PGAP2: variants seen among roughly 807,000 people sequenced by gnomAD.
PGAP2 encodes the protein post-GPI attachment to proteins 2.
A neutral mutation model predicts 33.2 loss-of-function variants in PGAP2; 21 were observed. The ratio of observed to expected loss-of-function variants is 0.63; its 90% CI spans 0.45 to 0.91. The LOEUF (loss-of-function observed/expected upper bound fraction) is 0.91. Ranked by LOEUF, PGAP2 falls within the 40% of genes least tolerant of loss-of-function variation. The probability of loss-of-function intolerance (pLI) is 0.00; values close to 1 mark genes in which losing one functional copy is unlikely to be tolerated. For missense variants in PGAP2, 345 were observed against 424.0 expected, an observed-to-expected ratio of 0.81 and a Z score of 1.64; for synonymous variants, 161 against 172.9, an observed-to-expected ratio of 0.93 and a Z score of 0.54.
rs766278758 is a variant in PGAP2 at position 3,825,453 on chromosome 11, T to C, written c.943T>C (p.Phe315Leu). 1 of 1,612,906 alleles carries C rather than the reference T, an allele frequency of 6.2e-7. No individual in the cohort carries two copies. Among genetic ancestry groups the C allele is most frequent in the African/African-American group, 1.3e-5 (1 of 74,982 alleles). Residue 315 changes from phenylalanine to leucine, a missense_variant, in exon 7 of 7, where the codon TTC (phenylalanine) becomes CTC (leucine). Around this residue, in one of 2 missense-constraint regions of PGAP2, gnomAD observed 311 missense variants for 353.6 expected, o/e 0.88. Coordinates refer to ENST00000278243, the MANE Select transcript of PGAP2 (RefSeq NM_014489.4). ...AACCTCTCAGCCTGAGGAAAAGCGA[T>C]TCTGAACCCTTCAGTCCTGCTTGGG... ...LITSQPEEKR[F>L]
chr11:3,798,974 T>C (rs755226679), intron 1 of PGAP2, among the ~76,000 whole-genome samples: 13 of 152,212 alleles, frequency 8.5e-5, no homozygotes, highest in Non-Finnish European at 1.9e-4. Context: ...GGACGGGTAT[T>C]TCAAATGTTC....
intron 3 of PGAP2, chr11:3,817,974 A>C (rs973804130): frequency 1.2e-5 from 5 of 402,704 alleles, no homozygotes; most frequent in Middle Eastern, 6.3e-4. Flanking sequence ...TGAGGCTGGG[A>C]GGTGGACATT....
rs746736798 is a variant in PGAP2, at chr11:3,823,024, C to CTTTTTTTTTTTTTTTTTT, written c.349-846_349-829dup. The CTTTTTTTTTTTTTTTTTT allele has an allele frequency of 7.3e-4, 226 of 307,678 alleles. 1 individual carries two copies. The highest frequency in any genetic ancestry group is 2.0e-3 in the Middle Eastern group (2 of 980). The allele number at this position is 307,678 out of a possible 1,614,324, so 19.1% of individuals were successfully genotyped here. Reference sequence around the variant, plus strand: ...GAGCACCCACTTTCTTTTTTCTTTTCTTTTTTTTTTTTTTTTTTTTTTTTT... The same window carrying CTTTTTTTTTTTTTTTTTT: ...GAGCACCCACTTTCTTTTTTCTTTTCTTTTTTTTTTTTTTTTTTTTTTTTTTTTTTTTTTTTTTTTTTT... On this transcript the variant is annotated intron_variant, in intron 3 of 6. Coordinates refer to ENST00000278243, the MANE Select transcript of PGAP2 (RefSeq NM_014489.4).
intron 2 of PGAP2, among the ~76,000 whole-genome samples, chr11:3,813,574 G>A (rs1221244708): frequency 1.3e-5 from 2 of 152,186 alleles, no homozygotes; most frequent in African/African-American, 2.4e-5. Context: ...GTGTGGAGAC[G>A]GGGTCTCACA....
At chr11:3,822,327 G>A (rs574666256) in intron 3 of PGAP2, among the ~76,000 whole-genome samples, 229 of 152,234 alleles carry the variant, frequency 1.5e-3, no homozygotes, top group African/African-American at 4.5e-3. Flanking sequence ...TCGCGCCACT[G>A]CACTCCAGCC....
upstream of PGAP2, among the ~76,000 whole-genome samples, chr11:3,807,217 A>G (rs1165048652): frequency 1.4e-5 from 2 of 147,926 alleles, no homozygotes; most frequent in African/African-American, 5.0e-5. Flanking sequence ...GGCGCCTGTT[A>G]ATTCCAGCTA....
chr11:3,818,144 C>G lies in PGAP2; in HGVS notation c.348+609C>G, dbSNP rs1488241172. Among the ~76,000 whole-genome samples the G allele has an allele frequency of 2.0e-5, 3 of 150,446 alleles. 1 individual carries two copies. The highest frequency in any genetic ancestry group is 6.6e-5 in the Admixed American group (1 of 15,118). The stretch of plus-strand genomic sequence containing the variant: ...TTGAGAGGCCGAGGTGGGAGGATCA[C>G]CTGAGGTCAGGAGTTTGAGACCAGC... On this transcript the variant is annotated intron_variant, in intron 3 of 6. Coordinates refer to ENST00000278243, the MANE Select transcript of PGAP2 (RefSeq NM_014489.4).
chr11:3,799,212 A>G (rs1215664918), intron 1 of PGAP2, among the ~76,000 whole-genome samples: 3 of 152,216 alleles, frequency 2.0e-5, no homozygotes, highest in Non-Finnish European at 4.4e-5. Flanking sequence ...TTAGTGACTG[A>G]GAGTCTCATA....
upstream of PGAP2, among the ~76,000 whole-genome samples, chr11:3,807,480 G>T (rs1454785660): frequency 6.6e-6 from 1 of 151,024 alleles, no homozygotes; most frequent in African/African-American, 2.4e-5. Flanking sequence ...GCTAATTTTT[G>T]TATTTTTAGT....
At chr11:3,804,546 T>C (rs1413694693), upstream of PGAP2, among the ~76,000 whole-genome samples, 1 of 152,154 alleles carries the variant, frequency 6.6e-6, no homozygotes, top group African/African-American at 2.4e-5. Context: ...CCTCTATACC[T>C]ACCCCAGCCA....
In PGAP2 at chr11:3,825,236, G is replaced by A. The variant is rs904512501; in HGVS notation, c.818-92G>A. The A allele has an allele frequency of 2.9e-5, 45 of 1,549,924 alleles. No individual in the cohort carries two copies. In the African/African-American group the frequency reaches 4.9e-4, roughly 17 times the overall value. On this transcript the variant is annotated intron_variant, in intron 6 of 6. Transcript: ENST00000278243. Reference sequence around the variant, plus strand: ...GGGACTGGCTGCCATTGTGTTCTCTGTGGCAGACCAATGGTGGTGTGATTT... The same window carrying A: ...GGGACTGGCTGCCATTGTGTTCTCTATGGCAGACCAATGGTGGTGTGATTT...
At chr11:3,807,210 G>A (rs554325486), upstream of PGAP2, among the ~76,000 whole-genome samples, 46 of 145,798 alleles carry the variant, frequency 3.2e-4, no homozygotes, top group African/African-American at 1.1e-3. Flanking sequence ...AGTAGCGGGC[G>A]CCTGTTAATT....
At chr11:3,819,635 T>C (rs996757901) in intron 3 of PGAP2, among the ~76,000 whole-genome samples, 4 of 151,984 alleles carry the variant, frequency 2.6e-5, no homozygotes, top group African/African-American at 9.7e-5. Context: ...GAGTTTCTGA[T>C]CTACTGTCCT....
In PGAP2 at chr11:3,824,746, T is replaced by G. The variant is rs114958706; in HGVS notation, c.709-274T>G. 1.2e-3 allele frequency: 1,602 copies of G among 1,318,720 alleles called. 14 individuals carry two copies. In the African/African-American group the frequency reaches 0.022, roughly 18 times the overall value. The allele number at this position is 1,318,720 out of a possible 1,614,324, so 81.7% of individuals were successfully genotyped here. On this transcript the variant is annotated intron_variant, in intron 5 of 6. Coordinates refer to ENST00000278243, the MANE Select transcript of PGAP2 (RefSeq NM_014489.4). ...TCTTTTCCCCCACAGTATTTGGAGG[T>G]GGGGTTGGTGGGTGACTCCATGTAA...
intron 1 of PGAP2, among the ~76,000 whole-genome samples, chr11:3,799,308 C>T (rs899131371): frequency 3.3e-5 from 5 of 151,448 alleles, no homozygotes; most frequent in Admixed American, 6.6e-5. Context: ...GATGCTGAGG[C>T]GGGCAGATTA....
chr11:3,821,832 G>T lies in PGAP2; in HGVS notation c.349-2051G>T, dbSNP rs1034152307. ...AATCCCAGCAGTTTGAGAGGCCGAG[G>T]GGGGTGGATTGTTTGAGTCCAGGAG... On this transcript the variant is annotated intron_variant, in intron 3 of 6. Coordinates refer to ENST00000278243, the MANE Select transcript of PGAP2 (RefSeq NM_014489.4). Among the ~76,000 whole-genome samples, 7 of 131,492 alleles carry T rather than the reference G, an allele frequency of 5.3e-5. No homozygotes were observed. The East Asian group carries it at 1.2e-3, about 22-fold the overall frequency. The allele number at this position is 131,492 out of a possible 152,430, so 86.3% of individuals were successfully genotyped here.
At chr11:3,798,445 T>A (rs1489401287) in intron 1 of PGAP2, among the ~76,000 whole-genome samples, 2 of 151,768 alleles carry the variant, frequency 1.3e-5, no homozygotes, top group Non-Finnish European at 2.9e-5. Context: ...TTCTCCCGCC[T>A]TAGCCTCCCA....
At position 3,825,070 on chromosome 11, in the gene PGAP2, C is replaced by T; in HGVS notation, c.759C>T (p.Ile253=). Residue 253 remains isoleucine (I), a synonymous_variant, in exon 6 of 7, where the codon ATC becomes ATT. Transcript: ENST00000278243. The part of the protein sequence containing the change: ...WKQRLFIINF[I]SFFSALAVYF... ...AGCGGCTCTTCATCATCAACTTCAT[C>T]TCCTTCTTCTCGGCGCTGGCTGTCT... 6.2e-7 allele frequency: 1 copy of T among 1,614,206 alleles called. No individual in the cohort carries two copies. The highest frequency in any genetic ancestry group is 8.5e-7 in the Non-Finnish European group (1 of 1,180,048).
Position 3,811,254 on chromosome 11 carries a change from G to A in PGAP2, c.-6G>A. On this transcript the variant is annotated 5_prime_UTR_variant, in exon 2 of 7. Coordinates refer to ENST00000278243, the MANE Select transcript of PGAP2 (RefSeq NM_014489.4). The surrounding 1 kb of genome is among the most constrained non-coding windows in gnomAD (Gnocchi z 4.6). ...AGCATGCCACTCCATCCCCAGGTCT[G>A]ACAAGATGTACCAGGTCCCACTACC... The A allele has an allele frequency of 1.2e-6, 2 of 1,611,610 alleles. No homozygotes were observed. The highest frequency in any genetic ancestry group is 2.2e-5 in the South Asian group (2 of 90,770).
Sources: gnomAD v4.1 joint callset for allele counts (sites outside exome capture counted in the v4.1 genomes callset) on GRCh38, gnomAD v4.1.1 for gene constraint, gnomAD v4.1.1 regional missense constraint, Gnocchi (gnomAD v3.1) non-coding constraint, MANE v1.5 for transcripts, NCBI Gene and HGNC (gene_info 2026-07-23, HGNC 2026-07-21) for gene names.